Variants in PDXDC1 observed in about 807,000 individuals in gnomAD.
PDXDC1 encodes pyridoxal-dependent decarboxylase domain-containing protein 1.
In PDXDC1, 42 loss-of-function variants were observed where a neutral mutation model predicts 100.1. The observed-to-expected ratio is 0.42, with a 90% CI of 0.33 to 0.54. The LOEUF is 0.54. PDXDC1 is among the 20% of genes least tolerant of loss of function. The pLI is 0.10. For synonymous variants in PDXDC1, 260 were observed against 371.7 expected, an observed-to-expected ratio of 0.70 and a Z score of 3.46; for missense variants, 636 against 979.2, an observed-to-expected ratio of 0.65 and a Z score of 4.68.
intron 16 of PDXDC1, chr16:15,127,920 C>A (rs1281102634): frequency 5.0e-6 from 7 of 1,386,590 alleles, no homozygotes; most frequent in East Asian, 2.4e-5. Flanking sequence ...GAGGGCCGCA[C>A]TGCAGGAGGC....
intron 8 of PDXDC1, chr16:15,010,267 C>T (rs1299241674): frequency 7.6e-5 from 12 of 157,946 alleles, no homozygotes; most frequent in South Asian, 5.8e-4. Context: ...AGGCTGGTCT[C>T]GAACTCCTGA....
intron 16 of PDXDC1, among the ~76,000 whole-genome samples, chr16:15,068,818 A>G (rs2045095419): frequency 6.6e-6 from 1 of 152,212 alleles, no homozygotes; most frequent in Non-Finnish European, 1.5e-5. Context: ...CTTAATGAAT[A>G]TAATTCTTTT....
chr16:15,072,259 A>AAAG (rs1167064106), intron 16 of PDXDC1, among the ~76,000 whole-genome samples: 2 of 151,454 alleles, frequency 1.3e-5, no homozygotes, highest in African/African-American at 4.8e-5. Context: ...AAAAAAAAAA[A>AAAG]AAGAAGAAGA....
At chr16:15,135,285 G>C (rs2048295597) in intron 16 of PDXDC1, 2 of 1,433,460 alleles carry the variant, frequency 1.4e-6, no homozygotes, top group Middle Eastern at 2.4e-4. Flanking sequence ...CCCACCGTCT[G>C]GTTGGTGGCC....
intron 16 of PDXDC1, among the ~76,000 whole-genome samples, chr16:15,095,599 C>G (rs1470016968): frequency 6.6e-6 from 1 of 152,110 alleles, no homozygotes; most frequent in Non-Finnish European, 1.5e-5. Context: ...CGCCTGTTAT[C>G]CCAACACTTT....
At chr16:14,983,051 A>G (rs1434089957) in intron 1 of PDXDC1, among the ~76,000 whole-genome samples, 1 of 152,276 alleles carries the variant, frequency 6.6e-6, no homozygotes, top group Admixed American at 6.5e-5. Flanking sequence ...CTAGCATCTC[A>G]TAACTCCAAG....
At chr16:15,041,898 G>A (rs538899615), downstream of PDXDC1, among the ~76,000 whole-genome samples, 1 of 152,170 alleles carries the variant, frequency 6.6e-6, no homozygotes, top group African/African-American at 2.4e-5. Context: ...TCAGCCTCAG[G>A]CCCGAAGGAG....
chr16:15,125,600 C>A (rs2047667505), intron 16 of PDXDC1: 2 of 1,323,150 alleles, frequency 1.5e-6, no homozygotes, highest in African/African-American at 1.4e-5. Context: ...CCAGCAAAGG[C>A]CTGCTGAGAG....
At chr16:15,088,556 CA>C (rs2045997441) in intron 16 of PDXDC1, among the ~76,000 whole-genome samples, 1 of 151,942 alleles carries the variant, frequency 6.6e-6, no homozygotes, top group African/African-American at 2.4e-5. Context: ...ACTGCTGATA[CA>C]AAATACAGTG....
intron 16 of PDXDC1, chr16:15,130,694 G>C: frequency 6.7e-7 from 1 of 1,484,936 alleles, no homozygotes; most frequent in Non-Finnish European, 9.4e-7. Flanking sequence ...ACTCTGGGCG[G>C]ATCCTCCTGC....
chr16:14,991,963 A>G (rs537403533), intron 1 of PDXDC1, among the ~76,000 whole-genome samples: 1 of 152,408 alleles, frequency 6.6e-6, no homozygotes, highest in African/African-American at 2.4e-5. Flanking sequence ...CAATTGGAGA[A>G]TTGAGCCAAC....
intron 16 of PDXDC1, among the ~76,000 whole-genome samples, chr16:15,097,705 C>T (rs1273966715): frequency 1.3e-5 from 2 of 151,402 alleles, no homozygotes; most frequent in Non-Finnish European, 2.9e-5. Context: ...AGAAGCCGAA[C>T]ATTAACTAGG....
At chr16:15,000,073 C>G (rs1972818081) in intron 3 of PDXDC1, among the ~76,000 whole-genome samples, 2 of 152,286 alleles carry the variant, frequency 1.3e-5, no homozygotes, top group African/African-American at 4.8e-5. Flanking sequence ...GTGTGAAGTG[C>G]ATTCTCAGCT....
intron 1 of PDXDC1, among the ~76,000 whole-genome samples, chr16:14,982,038 C>T (rs1968115080): frequency 6.6e-6 from 1 of 152,276 alleles, no homozygotes; most frequent in Admixed American, 6.5e-5. Context: ...TCATGTTGGC[C>T]AGGCTGGTCT....
chr16:15,042,187 T>A (rs1287598974), downstream of PDXDC1, among the ~76,000 whole-genome samples: 3 of 72,164 alleles, frequency 4.2e-5, no homozygotes, highest in African/African-American at 3.9e-5. Flanking sequence ...TTTTATATCT[T>A]TTTTTTTTTT....
intron 19 of PDXDC1, 95 bp from the exon 20 acceptor site, chr16:15,034,191 G>A (rs947820445): frequency 1.9e-6 from 2 of 1,039,920 alleles, no homozygotes; most frequent in Non-Finnish European, 2.9e-6. Context: ...TCATTGACCT[G>A]CTTTTGAAAA....
At position 15,017,302 on chromosome 16, in the gene PDXDC1, G is replaced by T. The variant is rs765999431; in HGVS notation, c.862-19G>T. 67 of 1,597,104 alleles carry T rather than the reference G, an allele frequency of 4.2e-5. 1 individual carries two copies. The South Asian group carries it at 4.6e-4, about 11-fold the overall frequency. ...GTGTATTCTGATAATCTAACAAAGAGTTGTTCTTGTTTTGGTAGGCTGCAG... is the reference window on the plus strand; with the variant it reads ...GTGTATTCTGATAATCTAACAAAGATTTGTTCTTGTTTTGGTAGGCTGCAG... On this transcript the variant is annotated intron_variant, in intron 10 of 22. Coordinates refer to ENST00000396410, the MANE Select transcript of PDXDC1 (RefSeq NM_015027.4).
At position 15,038,285 on chromosome 16, in the gene PDXDC1, C is replaced by CT; in HGVS notation, c.*2013dup. On this transcript the variant is annotated 3_prime_UTR_variant, in exon 23 of 23. Transcript: ENST00000396410. Reference sequence around the variant, plus strand: ...TGCTGTGATAAAGATGTCAAAGTATCTTTGTTCTTGGACACAAATATATAT... The same window carrying CT: ...TGCTGTGATAAAGATGTCAAAGTATCTTTTGTTCTTGGACACAAATATATAT... The CT allele has an allele frequency of 9.3e-7, 1 of 1,069,628 alleles. No individual in the cohort carries two copies. Among genetic ancestry groups the CT allele is most frequent in the Non-Finnish European group, 1.4e-6 (1 of 725,398 alleles). The allele number at this position is 1,069,628 out of a possible 1,614,324, so 66.3% of individuals were successfully genotyped here. A position where few individuals can be genotyped will look rare whatever the true frequency, so the allele number is the denominator to read the frequency against.
downstream of PDXDC1, among the ~76,000 whole-genome samples, chr16:15,141,423 G>T (rs1359999134): frequency 2.0e-5 from 3 of 152,266 alleles, no homozygotes; most frequent in Non-Finnish European, 4.4e-5. Context: ...CCAGACAGAT[G>T]AGACGCTGGG....
Sources: gnomAD v4.1 joint callset for allele counts (sites outside exome capture counted in the v4.1 genomes callset) on GRCh38, gnomAD v4.1.1 for gene constraint, MANE v1.5 for transcripts, NCBI Gene and HGNC (gene_info 2026-07-23, HGNC 2026-07-21) for gene names.